MYMX: variants seen among roughly 807,000 people sequenced by gnomAD.
The protein encoded by MYMX is myomixer, myoblast fusion factor, also known as protein myomixer.
At chr6:44,193,780 C>T in the MYMX span, among the ~76,000 whole-genome samples, 5 of 152,068 alleles carry the variant, frequency 3.3e-5, no homozygotes, top group East Asian at 1.9e-4. Flanking sequence ...GTCAGGAGTT[C>T]GAGACTGGTC....
At chr6:44,215,941 C>T (rs756182058), upstream of MYMX, among the ~76,000 whole-genome samples, 36 of 152,236 alleles carry the variant, frequency 2.4e-4, no homozygotes, top group East Asian at 7.7e-4. Flanking sequence ...CAACATAAAA[C>T]CCAGGCTATA....
chr6:44,193,723 C>CT, the MYMX span, among the ~76,000 whole-genome samples: 2 of 152,236 alleles, frequency 1.3e-5, no homozygotes, highest in Non-Finnish European at 2.9e-5. Flanking sequence ...TGACTCATGC[C>CT]TGTAATCCCA....
At chr6:44,205,853 G>A in the MYMX span, among the ~76,000 whole-genome samples, 1 of 151,450 alleles carries the variant, frequency 6.6e-6, no homozygotes, top group Non-Finnish European at 1.5e-5. Context: ...ACTGGTGCAT[G>A]CCTGTAGTCT....
At chr6:44,197,783 C>T in the MYMX span, among the ~76,000 whole-genome samples, 215 of 152,260 alleles carry the variant, frequency 1.4e-3, 1 homozygote, top group African/African-American at 5.0e-3. Flanking sequence ...GACAGGGCCT[C>T]ACTATGTTGC....
At chr6:44,195,031 T>G in the MYMX span, among the ~76,000 whole-genome samples, 1 of 152,258 alleles carries the variant, frequency 6.6e-6, no homozygotes, top group East Asian at 1.9e-4. Context: ...TATTATTATT[T>G]TTAAGACAGA....
At chr6:44,206,443 G>T in the MYMX span, among the ~76,000 whole-genome samples, 228 of 152,174 alleles carry the variant, frequency 1.5e-3, 4 homozygotes, top group Admixed American at 0.013. Flanking sequence ...TGTTGGCCAG[G>T]CTGGTCTAAA....
At chr6:44,200,143 T>C in the MYMX span, among the ~76,000 whole-genome samples, 1 of 151,702 alleles carries the variant, frequency 6.6e-6, no homozygotes, top group Non-Finnish European at 1.5e-5. Flanking sequence ...ACTCCAGGCC[T>C]GGGAGACAGA....
the MYMX span, among the ~76,000 whole-genome samples, chr6:44,211,788 T>TTTTTTTTGTGTGTGTGTGTGTGTG: frequency 7.9e-6 from 1 of 126,382 alleles, no homozygotes; most frequent in African/African-American, 3.1e-5. Flanking sequence ...CAGCTAGGTT[T>TTTTTTTTGTGTGTGTGTGTGTGTG]TGTGTGTGTG....
chr6:44,215,641 T>C (rs1007420174), upstream of MYMX, among the ~76,000 whole-genome samples: 1 of 151,764 alleles, frequency 6.6e-6, no homozygotes, highest in African/African-American at 2.4e-5. Context: ...ACGCCTGTAA[T>C]CCCAACACTT....
At chr6:44,207,425 C>T in the MYMX span, among the ~76,000 whole-genome samples, 1 of 152,320 alleles carries the variant, frequency 6.6e-6, no homozygotes, top group South Asian at 2.1e-4. Flanking sequence ...AGGCATGAGC[C>T]ACCGTGCCTG....
At chr6:44,201,341 C>G in the MYMX span, among the ~76,000 whole-genome samples, 165 of 152,302 alleles carry the variant, frequency 1.1e-3, 1 homozygote, top group African/African-American at 3.9e-3. Context: ...CTGGCTGGCT[C>G]TGGTTCCTGG....
At chr6:44,197,918 T>C in the MYMX span, among the ~76,000 whole-genome samples, 2 of 152,070 alleles carry the variant, frequency 1.3e-5, no homozygotes, top group East Asian at 3.9e-4. Flanking sequence ...TACTTGTAAT[T>C]GATACTAAAT....
the MYMX span, among the ~76,000 whole-genome samples, chr6:44,205,466 C>G: frequency 7.9e-5 from 12 of 151,924 alleles, no homozygotes; most frequent in South Asian, 2.5e-3. Flanking sequence ...TGAGACCAGC[C>G]TGGGCAACAT....
chr6:44,214,231 A>C (rs114288785), upstream of MYMX, among the ~76,000 whole-genome samples: 716 of 152,352 alleles, frequency 4.7e-3, 8 homozygotes, highest in Middle Eastern at 0.017. Context: ...GAGATGATGG[A>C]TGTTCCGATG....
At chr6:44,200,089 A>G in the MYMX span, among the ~76,000 whole-genome samples, 1 of 152,040 alleles carries the variant, frequency 6.6e-6, no homozygotes, top group Admixed American at 6.6e-5. Flanking sequence ...GATTGCTTGA[A>G]CTTAGGAGGT....
chr6:44,195,294 C>T, the MYMX span, among the ~76,000 whole-genome samples: 1 of 152,140 alleles, frequency 6.6e-6, no homozygotes, highest in East Asian at 1.9e-4. Flanking sequence ...GCTGGGATTA[C>T]AGGCACAAGC....
At chr6:44,195,711 T>C in the MYMX span, among the ~76,000 whole-genome samples, 1 of 152,232 alleles carries the variant, frequency 6.6e-6, no homozygotes, top group Non-Finnish European at 1.5e-5. Context: ...CTTACAAATA[T>C]GTAATTTGGC....
At chr6:44,206,006 A>AAC in the MYMX span, among the ~76,000 whole-genome samples, 34 of 148,028 alleles carry the variant, frequency 2.3e-4, no homozygotes, top group Non-Finnish European at 4.3e-4. Flanking sequence ...AACAAAAAAA[A>AAC]ACCTCATTTT....
At chr6:44,213,906 G>A (rs990182362), upstream of MYMX, among the ~76,000 whole-genome samples, 9 of 152,194 alleles carry the variant, frequency 5.9e-5, no homozygotes, top group African/African-American at 2.2e-4. Context: ...GAACTCCTGG[G>A]CTCAAGCAAT....
Sources: allele counts gnomAD v4.1 joint callset (sites outside exome capture counted in the v4.1 genomes callset), GRCh38; gene constraint gnomAD v4.1.1; transcripts MANE v1.5; gene names NCBI Gene and HGNC (gene_info 2026-07-23, HGNC 2026-07-21).